REEP1: variants seen among roughly 807,000 people sequenced by gnomAD.
REEP1 encodes receptor accessory protein 1, also known as receptor expression-enhancing protein 1.
REEP1 carries 22 observed loss-of-function variants against 40.3 expected under a neutral mutation model. The observed-to-expected ratio is 0.55, with a 90% CI of 0.39 to 0.78. The LOEUF is 0.78. Among genes scored for constraint, REEP1 ranks in the 30% least tolerant of loss-of-function variants. The probability of loss-of-function intolerance (pLI) is 0.00; values close to 1 mark genes in which losing one functional copy is unlikely to be tolerated. For missense variants in REEP1, 280 were observed against 361.1 expected (o/e 0.78, Z 1.82); for synonymous variants, 116 against 139.2 (o/e 0.83, Z 1.17).
chr2:86,317,199 GT>G (rs1172103704), intron 1 of REEP1, among the ~76,000 whole-genome samples: 1 of 152,036 alleles, frequency 6.6e-6, no homozygotes, highest in African/African-American at 2.4e-5. Flanking sequence ...ACTGTTCTAG[GT>G]TGGTCAAAAG....
intron 5 of REEP1, among the ~76,000 whole-genome samples, chr2:86,246,959 C>G (rs1021618169): frequency 1.3e-5 from 2 of 152,158 alleles, no homozygotes; most frequent in Non-Finnish European, 2.9e-5. Context: ...TCTTGGCCTC[C>G]CAAAGTGCTG....
intron 1 of REEP1, among the ~76,000 whole-genome samples, chr2:86,330,575 C>T (rs1680721132): frequency 6.6e-6 from 1 of 151,938 alleles, no homozygotes; most frequent in Non-Finnish European, 1.5e-5. Context: ...CTCCAAGTAG[C>T]TGGGACCACA....
chr2:86,296,747 C>T (rs1420376074), intron 1 of REEP1, among the ~76,000 whole-genome samples: 1 of 152,154 alleles, frequency 6.6e-6, no homozygotes, highest in Non-Finnish European at 1.5e-5. Flanking sequence ...ATCCCAGCTA[C>T]TCAGGAGGCT....
chr2:86,335,306 G>A (rs1680959156), intron 1 of REEP1, among the ~76,000 whole-genome samples: 1 of 152,210 alleles, frequency 6.6e-6, no homozygotes, highest in East Asian at 1.9e-4. Flanking sequence ...TAATCAATAT[G>A]CTTATGCTAG....
chr2:86,335,269 C>T (rs1333979828), intron 1 of REEP1, among the ~76,000 whole-genome samples: 1 of 152,074 alleles, frequency 6.6e-6, no homozygotes, highest in East Asian at 1.9e-4. Flanking sequence ...ACAGGTATTG[C>T]TTATTAAAAA....
chr2:86,270,321 C>T (rs1464670536), intron 2 of REEP1, among the ~76,000 whole-genome samples: 1 of 152,100 alleles, frequency 6.6e-6, no homozygotes, highest in Non-Finnish European at 1.5e-5. Flanking sequence ...CTCAGCCTCC[C>T]GAGTAGCTGG....
intron 6 of REEP1, 60 bp from the exon 7 acceptor site, chr2:86,227,458 C>A: frequency 8.2e-7 from 1 of 1,222,424 alleles, no homozygotes; most frequent in Non-Finnish European, 1.0e-6. Context: ...GAACCAGCCC[C>A]GGGCAAACAG....
At chr2:86,311,450 A>T (rs1001821089) in intron 1 of REEP1, among the ~76,000 whole-genome samples, 2 of 152,120 alleles carry the variant, frequency 1.3e-5, no homozygotes, top group African/African-American at 4.8e-5. Flanking sequence ...TCTAAAATCA[A>T]AGTATCATGA....
At chr2:86,288,998 C>T (rs7563887) in intron 1 of REEP1, among the ~76,000 whole-genome samples, 68,106 of 151,956 alleles carry the variant, frequency 0.45, 15,443 homozygotes, top group Non-Finnish European at 0.48. Flanking sequence ...AATCCTTTCT[C>T]GGACATATGC....
intron 2 of REEP1, among the ~76,000 whole-genome samples, chr2:86,267,225 G>A (rs933872047): frequency 2.0e-5 from 3 of 152,116 alleles, no homozygotes; most frequent in Non-Finnish European, 4.4e-5. Flanking sequence ...CTTGGTGGGA[G>A]GTGATTGGTT....
At chr2:86,296,270 A>G (rs1274714905) in intron 1 of REEP1, among the ~76,000 whole-genome samples, 1 of 152,224 alleles carries the variant, frequency 6.6e-6, no homozygotes, top group East Asian at 1.9e-4. Context: ...GTTTATATCC[A>G]TTTGCACATA....
chr2:86,303,977 G>A (rs140263094), intron 1 of REEP1, among the ~76,000 whole-genome samples: 11 of 152,214 alleles, frequency 7.2e-5, no homozygotes, highest in Non-Finnish European at 1.2e-4. Flanking sequence ...CTAGGCTGGT[G>A]ACTGAAAATA....
chr2:86,329,961 G>A (rs941490186), intron 1 of REEP1, among the ~76,000 whole-genome samples: 2 of 152,226 alleles, frequency 1.3e-5, no homozygotes, highest in Non-Finnish European at 2.9e-5. Flanking sequence ...GGACCTAGGA[G>A]AGGCTTCATG....
At position 86,309,592 on chromosome 2, in the gene REEP1, G is replaced by A. The variant is rs1396586589; in HGVS notation, c.33-27350C>T. 3.9e-5 allele frequency among the ~76,000 whole-genome samples: 6 copies of A among 152,194 alleles called. No homozygotes were observed. In the East Asian group the frequency reaches 9.6e-4, roughly 24 times the overall value. On this transcript the variant is annotated intron_variant, in intron 1 of 8. Coordinates refer to ENST00000538924, the MANE Select transcript of REEP1 (RefSeq NM_001371279.1). ...AATCCATTTTCCCACAGCACTGGAA[G>A]CTGGAGGTCTGTGATCGGGTGCCAG...
chr2:86,305,541 C>T lies in REEP1; in HGVS notation c.33-23299G>A, dbSNP rs574766664. Among the ~76,000 whole-genome samples the T allele has an allele frequency of 3.9e-5, 6 of 152,310 alleles. No homozygotes were observed. In the East Asian group the frequency reaches 9.6e-4, roughly 24 times the overall value. ...TCAAACTTGAGAGGCATGAAAATCA[C>T]CAGGTGGGCTTGTTAAAACACAGAT... On this transcript the variant is annotated intron_variant, in intron 1 of 8. Coordinates refer to ENST00000538924, the MANE Select transcript of REEP1 (RefSeq NM_001371279.1).
rs184909310 is a variant in REEP1, at chr2:86,266,688, T to C, written c.106-2647A>G. Among the ~76,000 whole-genome samples the C allele has an allele frequency of 1.5e-4, 22 of 150,204 alleles. No individual in the cohort carries two copies. In the East Asian group the frequency reaches 4.3e-3, roughly 29 times the overall value. ...ATAAATAAATAAATAAATAAAGATA[T>C]ACTACCAAAAGCACACACACAAAAA... is the stretch of plus-strand genomic sequence containing the variant. On this transcript the variant is annotated intron_variant, in intron 2 of 8. Coordinates refer to ENST00000538924, the MANE Select transcript of REEP1 (RefSeq NM_001371279.1).
intron 6 of REEP1, among the ~76,000 whole-genome samples, chr2:86,229,539 C>CTCTG (rs1190217646): frequency 2.0e-5 from 3 of 151,626 alleles, no homozygotes; most frequent in Non-Finnish European, 1.5e-5. Flanking sequence ...GCCCAAGAGC[C>CTCTG]TCTGACCCAG....
chr2:86,240,618 T>G (rs2104123294), intron 5 of REEP1, among the ~76,000 whole-genome samples: 2 of 152,122 alleles, frequency 1.3e-5, no homozygotes, highest in Admixed American at 1.3e-4. Context: ...TGCCAGTGAG[T>G]AAAAGGAGAC....
chr2:86,228,789 T>C (rs950272421), intron 6 of REEP1, among the ~76,000 whole-genome samples: 3 of 152,204 alleles, frequency 2.0e-5, no homozygotes, highest in African/African-American at 7.2e-5. Flanking sequence ...ATGACTTTTA[T>C]TCCCACACCC....
Sources: allele counts gnomAD v4.1 joint callset (sites outside exome capture counted in the v4.1 genomes callset), GRCh38; gene constraint gnomAD v4.1.1; transcripts MANE v1.5; gene names NCBI Gene and HGNC (gene_info 2026-07-23, HGNC 2026-07-21).